BLOC1S6: variants seen among roughly 807,000 people sequenced by gnomAD.
BLOC1S6 encodes the protein biogenesis of lysosome-related organelles complex 1 subunit 6.
BLOC1S6 carries 24 observed loss-of-function variants against 24.7 expected under a neutral mutation model. The ratio of observed to expected loss-of-function variants is 0.97; its 90% CI spans 0.70 to 1.37. The LOEUF (loss-of-function observed/expected upper bound fraction) is 1.37. Among genes scored for constraint, BLOC1S6 ranks in the 40% most tolerant of loss-of-function variants. BLOC1S6 has a pLI of 0.00. For synonymous variants in BLOC1S6, 76 were observed against 72.6 expected (o/e 1.05, Z -0.23); for missense variants, 175 against 196.2 (o/e 0.89, Z 0.64).
At chr15:45,602,287 C>G (rs1470451252) in intron 2 of BLOC1S6, 5 of 408,198 alleles carry the variant, frequency 1.2e-5, no homozygotes, top group African/African-American at 1.1e-4. Flanking sequence ...GTTGTTATTT[C>G]TTTTTTTTTT....
chr15:45,587,419 T>C lies in BLOC1S6; in HGVS notation c.-25T>C. 6.4e-7 allele frequency: 1 copy of C among 1,560,218 alleles called. No individual in the cohort carries two copies. The highest frequency in any genetic ancestry group is 8.7e-7 in the Non-Finnish European group (1 of 1,150,702). On this transcript the variant is annotated 5_prime_UTR_variant, in exon 1 of 5. Coordinates refer to ENST00000220531, the MANE Select transcript of BLOC1S6 (RefSeq NM_012388.4). ...TCTGACGAGCCACACGTTTGCTTCT[T>C]CCCTGTGTTCCCAGCTGGAGGGACA...
chr15:45,592,801 C>G lies in BLOC1S6; in HGVS notation c.224+525C>G, dbSNP rs143436672. ...TAGAACAGAACCCATAGAGTGGGAT[C>G]AGTATACAAAAACATATACTCTGGC... is the stretch of plus-strand genomic sequence containing the variant. On this transcript the variant is annotated intron_variant, in intron 2 of 4. Coordinates refer to ENST00000220531, the MANE Select transcript of BLOC1S6 (RefSeq NM_012388.4). Among the ~76,000 whole-genome samples the G allele has an allele frequency of 1.8e-4, 27 of 152,302 alleles. No homozygotes were observed. In the East Asian group the frequency reaches 4.8e-3, roughly 27 times the overall value.
intron 1 of BLOC1S6, chr15:45,587,956 A>T (rs1414456669): frequency 1.0e-5 from 6 of 584,648 alleles, no homozygotes; most frequent in Non-Finnish European, 1.5e-5. Flanking sequence ...TTCCTGCAGC[A>T]GTCTTCTCGA....
chr15:45,587,509 CG>C lies in BLOC1S6; in HGVS notation c.70del (p.Glu24SerfsTer6), dbSNP rs1893717694. ...LTRPPYCLEA[G>X]EPTPGLSDTS... ...CACGGCCACCCTACTGCCTGGAGGC[CG>C]GGGAGCCGACGCCTGGTACGTACTA... is the stretch of plus-strand genomic sequence containing the variant. On this transcript the variant is annotated frameshift_variant, in exon 1 of 5. Transcript: ENST00000220531. LOFTEE classifies it high-confidence loss of function. 2 of 1,577,760 alleles carry C rather than the reference CG, an allele frequency of 1.3e-6. No individual in the cohort carries two copies. Among genetic ancestry groups the C allele is most frequent in the African/African-American group, 1.4e-5 (1 of 74,058 alleles).
At chr15:45,592,082 T>TA in intron 1 of BLOC1S6, 53 bp from the exon 2 acceptor site, 1 of 1,596,514 alleles carries the variant, frequency 6.3e-7, no homozygotes, top group African/African-American at 1.4e-5. Flanking sequence ...TTGACCAGCC[T>TA]AAAAAAATAA....
chr15:45,587,486 C>A lies in BLOC1S6; in HGVS notation c.43C>A (p.Arg15=), dbSNP rs141581736. 1.3e-6 allele frequency: 2 copies of A among 1,585,820 alleles called. No homozygotes were observed. The highest frequency in any genetic ancestry group is 8.6e-7 in the Non-Finnish European group (1 of 1,165,844). The part of the protein sequence containing the change: ...GPSSPDGALT[R]PPYCLEAGEP... ...GTCGTCTCCGGACGGGGCCCTGACA[C>A]GGCCACCCTACTGCCTGGAGGCCGG... Residue 15 remains arginine, a synonymous_variant, in exon 1 of 5, where the codon CGG becomes AGG. Coordinates refer to ENST00000220531, the MANE Select transcript of BLOC1S6 (RefSeq NM_012388.4).
At position 45,606,629 on chromosome 15, in the gene BLOC1S6, A is replaced by C; in HGVS notation, c.*115A>C. ...CATTATGTCATATGTTGAAATCCTT[A>C]TTCCGGTATTACTGTGTCTCCATGC... On this transcript the variant is annotated 3_prime_UTR_variant, in exon 5 of 5. Coordinates refer to ENST00000220531, the MANE Select transcript of BLOC1S6 (RefSeq NM_012388.4). 6.9e-7 allele frequency: 1 copy of C among 1,442,754 alleles called. No homozygotes were observed. Among genetic ancestry groups the C allele is most frequent in the Non-Finnish European group, 9.7e-7 (1 of 1,029,260 alleles). 89.4% of individuals were successfully genotyped at this position (1,442,754 alleles called of 1,614,324 possible). A position where few individuals can be genotyped will look rare whatever the true frequency, so the allele number is the denominator to read the frequency against.
intron 1 of BLOC1S6, among the ~76,000 whole-genome samples, chr15:45,590,408 CTT>C (rs34886686): frequency 2.1e-4 from 28 of 136,088 alleles, no homozygotes; most frequent in Admixed American, 2.3e-4. Context: ...TTTCCTCAAT[CTT>C]TTTTTTTTTT....
At chr15:45,603,882 A>G (rs969898944) in intron 3 of BLOC1S6, among the ~76,000 whole-genome samples, 4 of 152,174 alleles carry the variant, frequency 2.6e-5, no homozygotes, top group Non-Finnish European at 4.4e-5. Flanking sequence ...AATTAATGCT[A>G]TAGGCTGAAG....
chr15:45,604,560 C>A, intron 3 of BLOC1S6, among the ~76,000 whole-genome samples: 1 of 152,120 alleles, frequency 6.6e-6, no homozygotes, highest in East Asian at 1.9e-4. Flanking sequence ...ATGGAGTCTT[C>A]CTCTTTTTTC....
chr15:45,592,113 A>G, intron 1 of BLOC1S6, 22 bp from the exon 2 acceptor site: 1 of 1,613,658 alleles, frequency 6.2e-7, no homozygotes, highest in Non-Finnish European at 8.5e-7. Flanking sequence ...AGGTTCCTAA[A>G]TTTGATTTTT....
intron 2 of BLOC1S6, among the ~76,000 whole-genome samples, chr15:45,593,809 A>G (rs1476645035): frequency 2.0e-5 from 3 of 152,132 alleles, no homozygotes; most frequent in Non-Finnish European, 4.4e-5. Flanking sequence ...GCACTTTAAC[A>G]TATCTCAGTT....
intron 1 of BLOC1S6, 149 bp from the exon 2 acceptor site, chr15:45,591,986 C>T (rs771736181): frequency 3.4e-6 from 3 of 877,716 alleles, no homozygotes; most frequent in Non-Finnish European, 5.2e-6. Context: ...AAGGTTCCGG[C>T]TGGTCAGAGT....
intron 1 of BLOC1S6, chr15:45,587,789 T>C: frequency 4.3e-6 from 3 of 702,312 alleles, no homozygotes; most frequent in Non-Finnish European, 7.8e-6. Context: ...GTTTATGTGT[T>C]GACTCCGGTA....
At chr15:45,602,287 C>CTT (rs577048423) in intron 2 of BLOC1S6, 285 of 523,162 alleles carry the variant, frequency 5.4e-4, no homozygotes, top group African/African-American at 8.3e-4. Flanking sequence ...GTTGTTATTT[C>CTT]TTTTTTTTTT....
chr15:45,604,257 CA>C (rs146250594), intron 3 of BLOC1S6, among the ~76,000 whole-genome samples: 14,392 of 151,806 alleles, frequency 0.095, 2,321 homozygotes, highest in African/African-American at 0.33. Context: ...ATGCATACCT[CA>C]AAAAAATGGA....
chr15:45,594,748 T>A (rs1894006649), intron 2 of BLOC1S6, among the ~76,000 whole-genome samples: 1 of 152,056 alleles, frequency 6.6e-6, no homozygotes, highest in African/African-American at 2.4e-5. Flanking sequence ...TCCGCCCAGC[T>A]AATTTTTTTG....
chr15:45,602,395 T>C, intron 2 of BLOC1S6: 1 of 671,946 alleles, frequency 1.5e-6, no homozygotes, highest in Non-Finnish European at 2.7e-6. Context: ...CCTTTTAATG[T>C]CACTTATTCC....
chr15:45,597,246 G>A (rs904210190), intron 2 of BLOC1S6, among the ~76,000 whole-genome samples: 1 of 152,178 alleles, frequency 6.6e-6, no homozygotes, highest in Non-Finnish European at 1.5e-5. Flanking sequence ...GGAGCCTGGG[G>A]CAGAAGGATC....
Sources: allele counts gnomAD v4.1 joint callset (sites outside exome capture counted in the v4.1 genomes callset), GRCh38; gene constraint gnomAD v4.1.1; transcripts MANE v1.5; gene names NCBI Gene and HGNC (gene_info 2026-07-23, HGNC 2026-07-21).